Variants in AP3S2 observed in about 807,000 individuals in gnomAD.
AP3S2 encodes adaptor related protein complex 3 subunit sigma 2.
AP3S2 carries 22 observed loss-of-function variants against 23.4 expected under a neutral mutation model. The ratio of observed to expected loss-of-function variants is 0.94; its 90% CI spans 0.67 to 1.34. The LOEUF is 1.34. AP3S2 is among the 40% of genes most tolerant of loss of function. The pLI is 0.00. For missense variants in AP3S2, 241 were observed against 236.9 expected, an observed-to-expected ratio of 1.02 and a Z score of -0.11; for synonymous variants, 86 against 87.1, an observed-to-expected ratio of 0.99 and a Z score of 0.07.
intron 1 of AP3S2, among the ~76,000 whole-genome samples, chr15:89,891,988 T>A (rs907441965): frequency 6.6e-6 from 1 of 152,112 alleles, no homozygotes; most frequent in African/African-American, 2.4e-5. Context: ...AAATATCAAC[T>A]TATAAATTGA....
intron 2 of AP3S2, 114 bp from the exon 3 acceptor site, chr15:89,888,746 G>C: frequency 8.5e-7 from 1 of 1,173,040 alleles, no homozygotes. Context: ...CCAAACGCTA[G>C]AAGCAGGCCA....
At chr15:89,889,928 T>C (rs546678419) in intron 1 of AP3S2, among the ~76,000 whole-genome samples, 8 of 151,746 alleles carry the variant, frequency 5.3e-5, no homozygotes, top group East Asian at 1.9e-4. Context: ...AAAAGTTATA[T>C]TGGCAAATAC....
chr15:89,879,142 G>C (rs890629738), intron 3 of AP3S2, among the ~76,000 whole-genome samples: 1 of 152,260 alleles, frequency 6.6e-6, no homozygotes, highest in African/African-American at 2.4e-5. Context: ...GCCTCCCAAA[G>C]TATTGGTATT....
At chr15:89,888,174 C>T (rs540997291) in intron 3 of AP3S2, among the ~76,000 whole-genome samples, 21 of 152,202 alleles carry the variant, frequency 1.4e-4, no homozygotes, top group African/African-American at 3.6e-4. Flanking sequence ...ACATATAAAA[C>T]GATGAAATAA....
At chr15:89,882,310 C>T (rs759047575) in intron 3 of AP3S2, among the ~76,000 whole-genome samples, 1 of 151,694 alleles carries the variant, frequency 6.6e-6, no homozygotes, top group African/African-American at 2.4e-5. Flanking sequence ...AGGTGCTCTG[C>T]TACCTGAATC....
chr15:89,842,219 A>C (rs1895345654), intron 4 of AP3S2, among the ~76,000 whole-genome samples: 1 of 152,198 alleles, frequency 6.6e-6, no homozygotes, highest in African/African-American at 2.4e-5. Context: ...AATGAAACCA[A>C]AAAGGGCTAA....
intron 3 of AP3S2, among the ~76,000 whole-genome samples, chr15:89,873,427 G>GGCAT (rs1896367398): frequency 6.6e-6 from 1 of 151,978 alleles, no homozygotes; most frequent in Non-Finnish European, 1.5e-5. Context: ...TGGGATTACA[G>GGCAT]GCATGCACCA....
At chr15:89,852,533 C>G (rs892622267) in intron 4 of AP3S2, 2 of 152,294 alleles carry the variant, frequency 1.3e-5, no homozygotes, top group Middle Eastern at 6.8e-3. Context: ...TGAGCTACAA[C>G]AAGCATCAAA....
At chr15:89,865,123 T>C (rs1234529008) in intron 4 of AP3S2, among the ~76,000 whole-genome samples, 1 of 152,188 alleles carries the variant, frequency 6.6e-6, no homozygotes, top group East Asian at 1.9e-4. Context: ...ATTTCTCTCA[T>C]ACTATGCACA....
At chr15:89,878,937 G>A (rs367867255) in intron 3 of AP3S2, among the ~76,000 whole-genome samples, 4 of 152,266 alleles carry the variant, frequency 2.6e-5, no homozygotes, top group Middle Eastern at 3.4e-3. Context: ...TAGTAGAGAC[G>A]AGGTTTCACC....
At chr15:89,842,154 G>A (rs1434998825) in intron 4 of AP3S2, among the ~76,000 whole-genome samples, 1 of 151,502 alleles carries the variant, frequency 6.6e-6, no homozygotes, top group East Asian at 1.9e-4. Flanking sequence ...GAAGCAAAGG[G>A]AGAAGAAACT....
At chr15:89,856,941 C>T (rs1380592554) in intron 4 of AP3S2, among the ~76,000 whole-genome samples, 1 of 151,606 alleles carries the variant, frequency 6.6e-6, no homozygotes, top group Non-Finnish European at 1.5e-5. Flanking sequence ...ATATCTATTT[C>T]ACATCAACTA....
chr15:89,860,060 C>G (rs147537290), intron 4 of AP3S2, among the ~76,000 whole-genome samples: 1,590 of 152,272 alleles, frequency 0.01, 9 homozygotes, highest in Non-Finnish European at 0.015. Flanking sequence ...CCATCATGAC[C>G]AGCCGATCTC....
chr15:89,852,466 C>A (rs1220772535), intron 4 of AP3S2: 5 of 152,206 alleles, frequency 3.3e-5, no homozygotes, highest in African/African-American at 4.8e-5. Context: ...CTACTGTTTC[C>A]AAGCTGCTCA....
chr15:89,864,228 C>T (rs1387622025), intron 4 of AP3S2, among the ~76,000 whole-genome samples: 3 of 152,078 alleles, frequency 2.0e-5, no homozygotes, highest in Non-Finnish European at 4.4e-5. Flanking sequence ...CTAAAAGCCA[C>T]ATCCAATAAA....
At chr15:89,846,915 C>T (rs181565497) in intron 4 of AP3S2, among the ~76,000 whole-genome samples, 2 of 152,146 alleles carry the variant, frequency 1.3e-5, no homozygotes, top group Non-Finnish European at 2.9e-5. Context: ...AGGTGATCCG[C>T]CCACCTCAGC....
At chr15:89,890,210 C>T (rs1236204522) in intron 1 of AP3S2, among the ~76,000 whole-genome samples, 2 of 151,954 alleles carry the variant, frequency 1.3e-5, no homozygotes, top group African/African-American at 4.8e-5. Flanking sequence ...CCACCATGCC[C>T]GGCTAATTTT....
chr15:89,876,253 T>C (rs1041036613), intron 3 of AP3S2, among the ~76,000 whole-genome samples: 2 of 152,122 alleles, frequency 1.3e-5, no homozygotes, highest in South Asian at 2.1e-4. Flanking sequence ...ACCCTGTCTC[T>C]ACTAAAAATG....
intron 4 of AP3S2, among the ~76,000 whole-genome samples, chr15:89,864,723 G>C (rs1896079087): frequency 6.6e-6 from 1 of 151,986 alleles, no homozygotes; most frequent in Non-Finnish European, 1.5e-5. Flanking sequence ...TGTATTTTTA[G>C]TAGAGACAAG....
Sources: gnomAD v4.1 joint callset for allele counts (sites outside exome capture counted in the v4.1 genomes callset) on GRCh38, gnomAD v4.1.1 for gene constraint, MANE v1.5 for transcripts, NCBI Gene and HGNC (gene_info 2026-07-23, HGNC 2026-07-21) for gene names.